CHMP1A: variants seen among roughly 807,000 people sequenced by gnomAD.
CHMP1A encodes the protein charged multivesicular body protein 1A, also known as VPS46 homolog A.
Under a neutral mutation model 27.0 loss-of-function variants are expected in CHMP1A, and 17 were observed. The ratio of observed to expected loss-of-function variants is 0.63; its 90% CI spans 0.43 to 0.95. CHMP1A has a LOEUF of 0.95. Ranked by LOEUF, CHMP1A falls within the 40% of genes least tolerant of loss-of-function variation. The pLI is 0.00. For synonymous variants in CHMP1A, 131 were observed against 107.5 expected, an observed-to-expected ratio of 1.22 and a Z score of -1.35; for missense variants, 275 against 264.0, an observed-to-expected ratio of 1.04 and a Z score of -0.29.
chr16:89,653,973 A>G (rs1185980349), intron 1 of CHMP1A, 50 bp from the exon 2 acceptor site: 4 of 1,596,488 alleles, frequency 2.5e-6, no homozygotes, highest in South Asian at 1.1e-5. Flanking sequence ...ATGGGACGTT[A>G]CACTTCTGGC....
rs756386590 is a variant in CHMP1A at position 89,649,369 on chromosome 16, T to C, written c.234A>G (p.Thr78=). The stretch of plus-strand genomic sequence containing the variant: ...CACTCACCCCCTTCATAGTCACAGC[T>C]GTCTGCACCTTGGAGGCCACTGCGT... The part of the protein sequence containing the change: ...RVDAVASKVQ[T]AVTMKGVTKN... Residue 78 remains threonine, a synonymous_variant, in exon 4 of 7, where the codon ACA becomes ACG. Transcript: ENST00000397901. The C allele has an allele frequency of 6.2e-7, 1 of 1,613,390 alleles. No homozygotes were observed. The highest frequency in any genetic ancestry group is 8.5e-7 in the Non-Finnish European group (1 of 1,179,614).
Position 89,656,595 on chromosome 16 carries a change from T to C in CHMP1A, c.7+987A>G, listed in dbSNP as rs140587754. On this transcript the variant is annotated intron_variant, in intron 1 of 6. Transcript: ENST00000397901. The stretch of plus-strand genomic sequence containing the variant: ...AGAAGGTAAGAATTAGGGCGACCCA[T>C]TGAGCACAGAAACGCTTGTGCTGGC... Among the ~76,000 whole-genome samples, 116 of 152,306 alleles carry C rather than the reference T, an allele frequency of 7.6e-4. No individual in the cohort carries two copies. The East Asian group carries it at 0.017, about 22-fold the overall frequency.
At chr16:89,647,062 A>G in intron 5 of CHMP1A, 141 bp downstream of exon 5, 2 of 1,532,584 alleles carry the variant, frequency 1.3e-6, no homozygotes, top group Non-Finnish European at 1.7e-6. Flanking sequence ...GGGACCCAGC[A>G]CAGAGGATGC....
chr16:89,648,989 C>T (rs2059802886), intron 4 of CHMP1A, among the ~76,000 whole-genome samples: 1 of 151,878 alleles, frequency 6.6e-6, no homozygotes, highest in Admixed American at 6.6e-5. Flanking sequence ...TGCACCACTG[C>T]ACTCCAGCCT....
chr16:89,646,744 G>C, intron 5 of CHMP1A, 30 bp from the exon 6 acceptor site: 1 of 1,597,602 alleles, frequency 6.3e-7, no homozygotes, highest in South Asian at 1.1e-5. Context: ...CTGGACAACA[G>C]GTGGGGCCAG....
Position 89,645,230 on chromosome 16 carries a change from G to A in CHMP1A, c.*836C>T, listed in dbSNP as rs559022061. ...GCAGGGCCCCAAGGAAAGGTCCTCCGGGAGAACCAGGCTGCCCAAGGGGAG... is the reference window on the plus strand; with the variant it reads ...GCAGGGCCCCAAGGAAAGGTCCTCCAGGAGAACCAGGCTGCCCAAGGGGAG... On this transcript the variant is annotated 3_prime_UTR_variant, in exon 7 of 7. Transcript: ENST00000397901. 8 of 152,572 alleles carry A rather than the reference G, an allele frequency of 5.2e-5. No individual in the cohort carries two copies. Among genetic ancestry groups the A allele is most frequent in the African/African-American group, 1.4e-4 (6 of 41,580 alleles). The allele number at this position is 152,572 out of a possible 1,614,324, so 9.5% of individuals were successfully genotyped here.
intron 2 of CHMP1A, 89 bp downstream of exon 2, chr16:89,653,815 C>T (rs1319649678): frequency 1.1e-5 from 15 of 1,370,144 alleles, no homozygotes; most frequent in Admixed American, 6.7e-5. Flanking sequence ...ATAATCTGCC[C>T]GACTGTTTCT....
At position 89,649,123 on chromosome 16, in the gene CHMP1A, G is replaced by A. The variant is rs528325494; in HGVS notation, c.252+228C>T. 2.0e-4 allele frequency: 107 copies of A among 546,954 alleles called. 2 individuals carry two copies. Among genetic ancestry groups the A allele is most frequent in the Admixed American group, 8.7e-4 (23 of 26,318 alleles). The allele number at this position is 546,954 out of a possible 1,614,324, so 33.9% of individuals were successfully genotyped here. A position where few individuals can be genotyped will look rare whatever the true frequency, so the allele number is the denominator to read the frequency against. On this transcript the variant is annotated intron_variant, in intron 4 of 6. Coordinates refer to ENST00000397901, the MANE Select transcript of CHMP1A (RefSeq NM_002768.5). ...AGGGTGCAGCCTCACCTGTGTCCCT[G>A]CCAGCATTTCCCACCCCACGCTGAT...
Position 89,646,574 on chromosome 16 carries a change from G to C in CHMP1A, c.522C>G (p.Ala174=). Residue 174 remains alanine, a synonymous_variant, in exon 6 of 7, where the codon GCC becomes GCG. Transcript: ENST00000397901. ...GGCTGCGCACAGAGCTCTCGCCCAC[G>C]GCAGAGGCGCCCTCGGGCAGCTGGC... The part of the protein sequence containing the change: ...QLSQLPEGAS[A]VGESSVRSQE... 1 of 1,596,870 alleles carries C rather than the reference G, an allele frequency of 6.3e-7. No homozygotes were observed. The highest frequency in any genetic ancestry group is 1.1e-5 in the South Asian group (1 of 87,860).
At position 89,648,869 on chromosome 16, in the gene CHMP1A, G is replaced by T. The variant is rs1216465548; in HGVS notation, c.252+482C>A. ...AGACACCCTGTCTCTACTTAAAAATGAAAAGATCAGCCGGGCATGGTGGTG... is the reference window on the plus strand; with the variant it reads ...AGACACCCTGTCTCTACTTAAAAATTAAAAGATCAGCCGGGCATGGTGGTG... On this transcript the variant is annotated intron_variant, in intron 4 of 6. Transcript: ENST00000397901. Among the ~76,000 whole-genome samples, 4 of 109,606 alleles carry T rather than the reference G, an allele frequency of 3.6e-5. 1 individual carries two copies. The highest frequency in any genetic ancestry group is 1.3e-4 in the African/African-American group (4 of 29,732). 71.9% of individuals were successfully genotyped at this position (109,606 alleles called of 152,430 possible).
intron 1 of CHMP1A, among the ~76,000 whole-genome samples, chr16:89,656,363 TC>T (rs1415360162): frequency 2.0e-5 from 3 of 151,366 alleles, no homozygotes; most frequent in Non-Finnish European, 4.4e-5. Flanking sequence ...GGTCTCGATC[TC>T]CTGACCTTGC....
intron 3 of CHMP1A, 174 bp from the exon 4 acceptor site, chr16:89,649,671 G>T (rs2059808959): frequency 8.6e-6 from 6 of 694,242 alleles, no homozygotes. Context: ...CGCCCCCCAG[G>T]TTCATGCCAT....
intron 1 of CHMP1A, among the ~76,000 whole-genome samples, chr16:89,656,449 T>G (rs2059871561): frequency 6.6e-6 from 1 of 152,214 alleles, no homozygotes; most frequent in East Asian, 1.9e-4. Flanking sequence ...TCAAAAAGTA[T>G]TTTTAAAAGC....
chr16:89,656,491 G>A (rs1166627080), intron 1 of CHMP1A, among the ~76,000 whole-genome samples: 2 of 152,222 alleles, frequency 1.3e-5, no homozygotes, highest in Non-Finnish European at 2.9e-5. Flanking sequence ...CGATGTTTCA[G>A]CAAACATAGG....
Position 89,645,762 on chromosome 16 carries a change from GA to G in CHMP1A, c.*303del. The G allele has an allele frequency of 3.0e-6, 2 of 661,456 alleles. No homozygotes were observed. Among genetic ancestry groups the G allele is most frequent in the African/African-American group, 1.9e-5 (1 of 53,556 alleles). 41.0% of individuals were successfully genotyped at this position (661,456 alleles called of 1,614,324 possible). The stretch of plus-strand genomic sequence containing the variant: ...CAGCATGTCTGCTGCCCCAGAGTCT[GA>G]AGGCCCCCACAGTGCTGGGTGAAAG... On this transcript the variant is annotated 3_prime_UTR_variant, in exon 7 of 7. Transcript: ENST00000397901.
rs761828953 is a variant in CHMP1A, at chr16:89,657,603, G to C, written c.-15C>G. The C allele has an allele frequency of 5.0e-6, 8 of 1,611,066 alleles. No individual in the cohort carries two copies. The highest frequency in any genetic ancestry group is 1.3e-5 in the African/African-American group (1 of 74,730). ...TTACCGTCCATGGCCACAATGACAG[G>C]AGCAGCACTCGGAGAGGGAGAAGGG... On this transcript the variant is annotated 5_prime_UTR_variant, in exon 1 of 7. Transcript: ENST00000397901.
intron 1 of CHMP1A, among the ~76,000 whole-genome samples, chr16:89,656,759 G>A (rs889726200): frequency 3.3e-5 from 5 of 152,192 alleles, no homozygotes; most frequent in Admixed American, 2.0e-4. Context: ...GGGTGCAACT[G>A]TCACTTTTTC....
intron 3 of CHMP1A, among the ~76,000 whole-genome samples, chr16:89,651,048 T>C (rs2059819743): frequency 6.6e-6 from 1 of 151,928 alleles, no homozygotes; most frequent in African/African-American, 2.4e-5. Context: ...CTGTTTGTCT[T>C]ATGTGGGAAG....
In CHMP1A at chr16:89,649,330, G is replaced by C. The variant is rs534050379; in HGVS notation, c.252+21C>G. ...TCAGCCAGCGAACGCCACCCATCCA[G>C]CACCAGGGCCCAGCACTCACCCCCT... On this transcript the variant is annotated intron_variant, in intron 4 of 6. Transcript: ENST00000397901. The C allele has an allele frequency of 3.7e-6, 6 of 1,604,802 alleles. No individual in the cohort carries two copies. The African/African-American group carries it at 4.0e-5, about 11-fold the overall frequency.
Sources: allele counts gnomAD v4.1 joint callset (sites outside exome capture counted in the v4.1 genomes callset), GRCh38; gene constraint gnomAD v4.1.1; transcripts MANE v1.5; gene names NCBI Gene and HGNC (gene_info 2026-07-23, HGNC 2026-07-21).